The following ZNF446 variants were observed in gnomAD, a reference collection of about 807,000 sequenced individuals.
ZNF446 encodes zinc finger protein 446, also known as zinc finger protein with KRAB and SCAN domains 20.
In ZNF446, 42 loss-of-function variants were observed where a neutral mutation model predicts 34.0. The observed-to-expected ratio is 1.23, with a 90% CI of 0.96 to 1.60. ZNF446 has a LOEUF of 1.60. Among genes scored for constraint, ZNF446 ranks in the 40% most tolerant of loss-of-function variants. The probability of loss-of-function intolerance (pLI) is 0.00; values close to 1 mark genes in which losing one functional copy is unlikely to be tolerated. For synonymous variants in ZNF446, 315 were observed against 251.0 expected, an observed-to-expected ratio of 1.25 and a Z score of -2.41; for missense variants, 650 against 600.2, an observed-to-expected ratio of 1.08 and a Z score of -0.87.
At position 58,477,680 on chromosome 19, in the gene ZNF446, A is replaced by G. The variant is rs2053100712; in HGVS notation, c.386A>G (p.Gln129Arg). Reference protein sequence around the residue: ...VLKQEVLPAAQKTEEPLGSPH... With the variant: ...VLKQEVLPAARKTEEPLGSPH... ...AAGCAGGAGGTGCTCCCTGCAGCCC[A>G]GAAGACAGAGGAACCACTTGGGAGC... The change falls in exon 3 of 7, where the codon CAG becomes CGG. Residue 129 changes from glutamine to arginine, a missense_variant. Transcript: ENST00000594369. The G allele has an allele frequency of 1.9e-6, 3 of 1,613,896 alleles. No individual in the cohort carries two copies. The highest frequency in any genetic ancestry group is 2.5e-6 in the Non-Finnish European group (3 of 1,180,032).
chr19:58,486,917 C>T, the ZNF446 span, among the ~76,000 whole-genome samples: 4 of 152,028 alleles, frequency 2.6e-5, no homozygotes, highest in East Asian at 1.9e-4. Context: ...ATTCTCCTGC[C>T]TCAGCCTCCT....
At chr19:58,483,005 A>G (rs2053150401), downstream of ZNF446, among the ~76,000 whole-genome samples, 2 of 152,240 alleles carry the variant, frequency 1.3e-5, no homozygotes, top group African/African-American at 4.8e-5. Flanking sequence ...ACAAGATGGC[A>G]AAGAAGATCA....
rs1247928035 is a variant in ZNF446 at position 58,477,517 on chromosome 19, T to C, written c.299T>C (p.Leu100Pro). Residue 100 changes from leucine to proline, a missense_variant, in exon 2 of 7, where the codon CTA becomes CCA. Physicochemically the swap from Leu to Pro is moderately conservative, Grantham distance 98. Transcript: ENST00000594369. ...GGCAGTCCTGAGGAGGCCGCTGCCC[T>C]AGTCGAAGGACTGCAGCATGACCCT... ...RPGSPEEAAA[L>P]VEGLQHDPGQ... 1 of 1,612,848 alleles carries C rather than the reference T, an allele frequency of 6.2e-7. No homozygotes were observed. The highest frequency in any genetic ancestry group is 8.5e-7 in the Non-Finnish European group (1 of 1,179,434).
At position 58,480,664 on chromosome 19, in the gene ZNF446, G is replaced by T; in HGVS notation, c.1291G>T (p.Ala431Ser). The T allele has an allele frequency of 6.2e-7, 1 of 1,610,912 alleles. No individual in the cohort carries two copies. Residue 431 changes from alanine (A) to serine (S), a missense_variant, in exon 7 of 7, where the codon GCC becomes TCC. By Grantham distance (99) the Ala-to-Ser change is moderately conservative (BLOSUM62 1). Transcript: ENST00000594369. This position sits in a 1 kb window ranked among gnomAD's most constrained non-coding sequence, Gnocchi z 7.2. Reference protein sequence around the residue: ...RRHFCSDCGRAFDWKSQLVIH... With the variant: ...RRHFCSDCGRSFDWKSQLVIH... ...TCACTTCTGCAGTGACTGTGGCCGC[G>T]CCTTCGACTGGAAGTCGCAGCTGGT... is the stretch of plus-strand genomic sequence containing the variant.
At chr19:58,482,337 A>G (rs2053146218), downstream of ZNF446, among the ~76,000 whole-genome samples, 1 of 151,890 alleles carries the variant, frequency 6.6e-6, no homozygotes, top group Middle Eastern at 3.2e-3. Flanking sequence ...CTACCTGCAC[A>G]CTTAGTCACA....
At chr19:58,488,249 A>G in the ZNF446 span, among the ~76,000 whole-genome samples, 4,895 of 113,396 alleles carry the variant, frequency 0.043, 847 homozygotes, top group East Asian at 0.08. Context: ...CACCCTGTTC[A>G]TGGCACTGTG....
At chr19:58,483,360 G>A (rs140773029), downstream of ZNF446, among the ~76,000 whole-genome samples, 827 of 152,272 alleles carry the variant, frequency 5.4e-3, 12 homozygotes, top group African/African-American at 0.019. Context: ...ATGGTGACAT[G>A]CACCTGTAGT....
downstream of ZNF446, among the ~76,000 whole-genome samples, chr19:58,484,556 A>G (rs531624846): frequency 8.0e-5 from 12 of 150,776 alleles, no homozygotes; most frequent in Non-Finnish European, 1.3e-4. Flanking sequence ...CCCTTCCCCC[A>G]TGTGGTGGCT....
intron 5 of ZNF446, 30 bp from the exon 6 acceptor site, chr19:58,479,900 C>A: frequency 1.3e-6 from 2 of 1,537,816 alleles, no homozygotes; most frequent in African/African-American, 2.7e-5. Flanking sequence ...ATGCAAACCC[C>A]ATGCCTAACT....
chr19:58,482,811 G>A (rs975605951), downstream of ZNF446, among the ~76,000 whole-genome samples: 5 of 152,214 alleles, frequency 3.3e-5, no homozygotes, highest in African/African-American at 1.2e-4. Context: ...GGACAGAGAA[G>A]AAGAAGACAG....
chr19:58,479,258 A>T (rs1361752139), intron 4 of ZNF446, among the ~76,000 whole-genome samples: 1 of 152,072 alleles, frequency 6.6e-6, no homozygotes, highest in East Asian at 1.9e-4. Flanking sequence ...CTGCCCCTGG[A>T]CTTGCCACAG....
Position 58,477,716 on chromosome 19 carries a change from C to T in ZNF446, c.422C>T (p.Ser141Leu), listed in dbSNP as rs139783228. 3.4e-4 allele frequency: 556 copies of T among 1,613,758 alleles called. 2 individuals carry two copies. Among genetic ancestry groups the T allele is most frequent in the Middle Eastern group, 9.9e-4 (6 of 6,084 alleles). The change falls in exon 3 of 7, where the codon TCA becomes TTA. Residue 141 changes from serine (S) to leucine (L), a missense_variant. Physicochemically the swap from Ser to Leu is moderately radical, Grantham distance 145. Coordinates refer to ENST00000594369, the MANE Select transcript of ZNF446 (RefSeq NM_017908.4). ...TEEPLGSPHP[S>L]GTVESPGEGP... ...GAACCACTTGGGAGCCCCCACCCCTCAGGGACAGTGGAGTCCCCTGGGGAA... is the reference window on the plus strand; with the variant it reads ...GAACCACTTGGGAGCCCCCACCCCTTAGGGACAGTGGAGTCCCCTGGGGAA...
At position 58,477,931 on chromosome 19, in the gene ZNF446, G is replaced by A. The variant is rs954167775; in HGVS notation, c.532+105G>A. 5.2e-6 allele frequency: 7 copies of A among 1,343,684 alleles called. No homozygotes were observed. In the African/African-American group the frequency reaches 8.9e-5, roughly 17 times the overall value. 83.2% of individuals were successfully genotyped at this position (1,343,684 alleles called of 1,614,324 possible). The stretch of plus-strand genomic sequence containing the variant: ...GAGGTGTGTCAAGGCTGGGACTCCT[G>A]AAGTGAATGTGGATGTCCCTGTCTG... On this transcript the variant is annotated intron_variant, in intron 3 of 6. Coordinates refer to ENST00000594369, the MANE Select transcript of ZNF446 (RefSeq NM_017908.4).
At chr19:58,489,449 A>G in the ZNF446 span, among the ~76,000 whole-genome samples, 9 of 152,170 alleles carry the variant, frequency 5.9e-5, no homozygotes, top group South Asian at 1.9e-3. Flanking sequence ...GCTTCCCCCA[A>G]CCCACCAAGT....
chr19:58,478,946 A>G (rs995942892), intron 4 of ZNF446, among the ~76,000 whole-genome samples: 6 of 152,142 alleles, frequency 3.9e-5, no homozygotes, highest in African/African-American at 1.4e-4. Flanking sequence ...GGGTTTCTTC[A>G]GAGGCCACCT....
downstream of ZNF446, chr19:58,483,790 C>CA (rs148133423): frequency 1.3e-5 from 2 of 152,308 alleles, no homozygotes; most frequent in East Asian, 3.9e-4. Context: ...TACCCTTGCA[C>CA]AGGGGCCATT....
At chr19:58,481,622 A>C (rs531110398), downstream of ZNF446, among the ~76,000 whole-genome samples, 14 of 152,326 alleles carry the variant, frequency 9.2e-5, no homozygotes, top group South Asian at 2.7e-3. Context: ...GCTCCCTGGG[A>C]AGCACCGGAT....
In ZNF446 at chr19:58,480,390, C is replaced by T. The variant is rs1205411775; in HGVS notation, c.1017C>T (p.Arg339=). Residue 339 remains arginine (R), a synonymous_variant, in exon 7 of 7, where the codon CGC becomes CGT. Transcript: ENST00000594369. The surrounding 1 kb of genome is among the most constrained non-coding windows in gnomAD (Gnocchi z 7.2). ...RKPYTCEQCG[R]GFDWKSVFVI... ...CCTACACGTGCGAGCAGTGTGGCCG[C>T]GGCTTCGACTGGAAGTCAGTGTTCG... 8.7e-6 allele frequency: 14 copies of T among 1,611,466 alleles called. No individual in the cohort carries two copies. The highest frequency in any genetic ancestry group is 1.1e-5 in the South Asian group (1 of 90,844).
chr19:58,477,382 T>C lies in ZNF446; in HGVS notation c.164T>C (p.Leu55Pro), dbSNP rs747401773. The part of the protein sequence containing the change: ...ARLRELCCQW[L>P]QPEAHSKEQM... The stretch of plus-strand genomic sequence containing the variant: ...CTGCGTGAGCTGTGTTGCCAGTGGC[T>C]GCAGCCTGAGGCACACTCCAAGGAG... The change falls in exon 2 of 7, where the codon CTG (leucine) becomes CCG (proline). Residue 55 changes from leucine to proline, a missense_variant. Physicochemically the swap from Leu to Pro is moderately conservative, Grantham distance 98 (BLOSUM62 -3). Transcript: ENST00000594369. 1 of 1,613,392 alleles carries C rather than the reference T, an allele frequency of 6.2e-7. No individual in the cohort carries two copies. The highest frequency in any genetic ancestry group is 8.5e-7 in the Non-Finnish European group (1 of 1,180,008).
Sources: allele counts gnomAD v4.1 joint callset (sites outside exome capture counted in the v4.1 genomes callset), GRCh38; gene constraint gnomAD v4.1.1; non-coding constraint Gnocchi (gnomAD v3.1); transcripts MANE v1.5; gene names NCBI Gene and HGNC (gene_info 2026-07-23, HGNC 2026-07-21).